ADAMTS16: variants seen among roughly 807,000 people sequenced by gnomAD.
ADAMTS16 encodes the protein A disintegrin and metalloproteinase with thrombospondin motifs 16.
A neutral mutation model predicts 145.8 loss-of-function variants in ADAMTS16; 94 were observed. The observed-to-expected ratio is 0.64, with a 90% confidence interval of 0.55 to 0.77. The LOEUF is 0.77. Ranked by LOEUF, ADAMTS16 falls within the 30% of genes least tolerant of loss-of-function variation. The probability of loss-of-function intolerance (pLI) is 0.00; values close to 1 mark genes in which losing one functional copy is unlikely to be tolerated. For synonymous variants in ADAMTS16, 659 were observed against 604.3 expected, an observed-to-expected ratio of 1.09 and a Z score of -1.33; for missense variants, 1,585 against 1,591.5, an observed-to-expected ratio of 1.00 and a Z score of 0.07.
chr5:5,299,592 A>G (rs1355910990), intron 18 of ADAMTS16, among the ~76,000 whole-genome samples: 2 of 152,104 alleles, frequency 1.3e-5, no homozygotes, highest in African/African-American at 2.4e-5. Context: ...GATATTGCAT[A>G]TTGATTAGAT....
chr5:5,318,312 G>A (rs1304457925), intron 22 of ADAMTS16, 31 bp downstream of exon 22: 8 of 1,391,166 alleles, frequency 5.8e-6, no homozygotes, highest in Middle Eastern at 1.9e-4. Context: ...AGCATGACCT[G>A]GGCATGGGGC....
At chr5:5,169,778 C>T (rs559283350) in intron 3 of ADAMTS16, among the ~76,000 whole-genome samples, 31 of 152,216 alleles carry the variant, frequency 2.0e-4, no homozygotes, top group African/African-American at 7.5e-4. Flanking sequence ...TTACTGAGTT[C>T]CTGTTCTCGC....
chr5:5,162,617 A>G (rs1180775399), intron 3 of ADAMTS16, among the ~76,000 whole-genome samples: 2 of 152,190 alleles, frequency 1.3e-5, no homozygotes, highest in African/African-American at 4.8e-5. Context: ...CTTGCTGAGA[A>G]AGCCAGGATT....
intron 3 of ADAMTS16, among the ~76,000 whole-genome samples, chr5:5,179,840 G>A (rs1735292817): frequency 6.6e-6 from 1 of 152,132 alleles, no homozygotes; most frequent in Non-Finnish European, 1.5e-5. Flanking sequence ...AGTCTACCAA[G>A]CTTACCTTTG....
chr5:5,266,103 G>A (rs903700179), intron 18 of ADAMTS16, among the ~76,000 whole-genome samples: 1 of 151,762 alleles, frequency 6.6e-6, no homozygotes, highest in Non-Finnish European at 1.5e-5. Flanking sequence ...AAATCTCAGG[G>A]TAATTGGAAA....
intron 3 of ADAMTS16, among the ~76,000 whole-genome samples, chr5:5,151,880 CT>C (rs1734472813): frequency 6.6e-6 from 1 of 152,120 alleles, no homozygotes; most frequent in South Asian, 2.1e-4. Context: ...TGACCTACTT[CT>C]CCCCATTTTT....
At chr5:5,283,481 C>G (rs978413433) in intron 18 of ADAMTS16, among the ~76,000 whole-genome samples, 2 of 152,220 alleles carry the variant, frequency 1.3e-5, no homozygotes, top group Admixed American at 6.5e-5. Flanking sequence ...CACCTCCCCC[C>G]CAGAAAGCCC....
chr5:5,319,353 C>A lies in ADAMTS16; in HGVS notation c.*215C>A. ...CATGCACACAGTGTCTCCTGTCAGG[C>A]TGAAATGTGGCACCCTGGCAGACAG... On this transcript the variant is annotated 3_prime_UTR_variant, in exon 23 of 23. Coordinates refer to ENST00000274181, the MANE Select transcript of ADAMTS16 (RefSeq NM_139056.4). 1.8e-6 allele frequency: 1 copy of A among 541,658 alleles called. No individual in the cohort carries two copies. The highest frequency in any genetic ancestry group is 3.3e-5 in the Admixed American group (1 of 30,394). 33.6% of individuals were successfully genotyped at this position (541,658 alleles called of 1,614,324 possible).
chr5:5,233,641 C>G (rs1737005795), intron 12 of ADAMTS16, among the ~76,000 whole-genome samples: 1 of 152,148 alleles, frequency 6.6e-6, no homozygotes, highest in African/African-American at 2.4e-5. Context: ...GGTCTCCAGG[C>G]TCCATCCATG....
rs1466733562 is a variant in ADAMTS16 at position 5,186,207 on chromosome 5, G to A, written c.919G>A (p.Gly307Ser). 1 of 1,613,910 alleles carries A rather than the reference G, an allele frequency of 6.2e-7. No homozygotes were observed. The highest frequency in any genetic ancestry group is 1.1e-5 in the South Asian group (1 of 91,074). The change falls in exon 5 of 23, where the codon GGC (glycine) becomes AGC (serine). Residue 307 changes from glycine (G) to serine (S), a missense_variant. Coordinates refer to ENST00000274181, the MANE Select transcript of ADAMTS16 (RefSeq NM_139056.4). ...VVDKKMMQNH[G>S]HENITTYVLT... ...CGACAAAAAGATGATGCAAAACCAT[G>A]GCCATGAAAATATCACCACCTACGT...
intron 17 of ADAMTS16, among the ~76,000 whole-genome samples, chr5:5,259,787 A>T (rs1476777561): frequency 6.6e-6 from 1 of 152,246 alleles, no homozygotes; most frequent in Non-Finnish European, 1.5e-5. Context: ...AAGGAAAGGC[A>T]GCTTTTTACA....
intron 11 of ADAMTS16, among the ~76,000 whole-genome samples, chr5:5,231,007 A>AG (rs1212004089): frequency 1.3e-5 from 2 of 152,240 alleles, no homozygotes; most frequent in Non-Finnish European, 2.9e-5. Flanking sequence ...GTTTTTAAAA[A>AG]GGGGGGAAAA....
chr5:5,149,643 G>T (rs925482953), intron 3 of ADAMTS16, among the ~76,000 whole-genome samples: 1 of 152,114 alleles, frequency 6.6e-6, no homozygotes, highest in Non-Finnish European at 1.5e-5. Flanking sequence ...TATATTAACA[G>T]AATTGTGCAA....
intron 2 of ADAMTS16, among the ~76,000 whole-genome samples, chr5:5,145,602 A>G (rs1370814688): frequency 1.3e-5 from 2 of 152,258 alleles, no homozygotes; most frequent in African/African-American, 4.8e-5. Flanking sequence ...TTTGCATGAT[A>G]AATATTATAT....
intron 11 of ADAMTS16, among the ~76,000 whole-genome samples, chr5:5,226,552 G>C (rs1280335600): frequency 1.3e-5 from 2 of 152,102 alleles, no homozygotes; most frequent in Non-Finnish European, 2.9e-5. Context: ...CAAGTCTCAC[G>C]TAAACAGTCC....
chr5:5,187,642 A>C (rs1221024266), intron 5 of ADAMTS16, 83 bp from the exon 6 acceptor site: 2 of 853,202 alleles, frequency 2.3e-6, no homozygotes, highest in African/African-American at 1.7e-5. Flanking sequence ...CTGAAGAACA[A>C]GGGCGTTGGA....
chr5:5,291,087 T>C (rs1005134943), intron 18 of ADAMTS16, among the ~76,000 whole-genome samples: 1 of 152,172 alleles, frequency 6.6e-6, no homozygotes, highest in African/African-American at 2.4e-5. Flanking sequence ...AGAGTAAATA[T>C]TCCAAAATCA....
At chr5:5,142,550 T>G (rs1219492411) in intron 2 of ADAMTS16, among the ~76,000 whole-genome samples, 2 of 152,218 alleles carry the variant, frequency 1.3e-5, no homozygotes, top group Non-Finnish European at 2.9e-5. Context: ...TCAACAGTGT[T>G]GCCTGTTTCC....
At chr5:5,145,367 C>T (rs1734266050) in intron 2 of ADAMTS16, among the ~76,000 whole-genome samples, 1 of 152,146 alleles carries the variant, frequency 6.6e-6, no homozygotes, top group African/African-American at 2.4e-5. Flanking sequence ...GCCTCTTTTG[C>T]ATCTGTATGG....
Sources: gnomAD v4.1 joint callset for allele counts (sites outside exome capture counted in the v4.1 genomes callset) on GRCh38, gnomAD v4.1.1 for gene constraint, MANE v1.5 for transcripts, NCBI Gene and HGNC (gene_info 2026-07-23, HGNC 2026-07-21) for gene names.